Variants in OR10Z1 observed in about 807,000 individuals in gnomAD.
OR10Z1 encodes olfactory receptor family 10 subfamily Z member 1.
For missense variants in OR10Z1, 468 were observed against 371.0 expected (o/e 1.26, Z -2.15); for synonymous variants, 187 against 151.2 (o/e 1.24, Z -1.74).
rs762507890 is a variant in OR10Z1 at position 158,607,116 on chromosome 1, G to T, written c.678G>T (p.Leu226=). The T allele has an allele frequency of 8.7e-6, 14 of 1,613,938 alleles. No individual in the cohort carries two copies. The South Asian group carries it at 1.5e-4, about 18-fold the overall frequency. Residue 226 remains leucine (L), a synonymous_variant, in exon 2 of 2, where the codon CTG becomes CTT. Transcript: ENST00000641002. ...ISYAYILAAI[L]RIPSAEGQKK... Reference sequence around the variant, plus strand: ...ACGCCTACATCTTGGCAGCAATACTGAGGATCCCCTCTGCTGAGGGGCAGA... The same window carrying T: ...ACGCCTACATCTTGGCAGCAATACTTAGGATCCCCTCTGCTGAGGGGCAGA...
chr1:158,611,991 T>C lies in OR10Z1; in HGVS notation c.*4611T>C, dbSNP rs1169941425. On this transcript the variant is annotated 3_prime_UTR_variant, in exon 2 of 2. Coordinates refer to ENST00000641002, the MANE Select transcript of OR10Z1 (RefSeq NM_001004478.2). Reference sequence around the variant, plus strand: ...TTGTAACAGCTTTGTCGAGGTATGATTGATAAAGAATTGCACCTTTAATGT... The same window carrying C: ...TTGTAACAGCTTTGTCGAGGTATGACTGATAAAGAATTGCACCTTTAATGT... 6.4e-6 allele frequency: 1 copy of C among 156,006 alleles called. No individual in the cohort carries two copies. Among genetic ancestry groups the C allele is most frequent in the Admixed American group, 6.3e-5 (1 of 15,858 alleles). 9.7% of individuals were successfully genotyped at this position (156,006 alleles called of 1,614,324 possible). A position where few individuals can be genotyped will look rare whatever the true frequency, so the allele number is the denominator to read the frequency against.
chr1:158,607,028 T>G lies in OR10Z1; in HGVS notation c.590T>G (p.Leu197Arg). 1 of 1,614,086 alleles carries G rather than the reference T, an allele frequency of 6.2e-7. No homozygotes were observed. The highest frequency in any genetic ancestry group is 1.1e-5 in the South Asian group (1 of 91,084). The change falls in exon 2 of 2, where the codon CTG becomes CGG. Residue 197 changes from leucine to arginine, a missense_variant. Physicochemically the swap from Leu to Arg is moderately radical, Grantham distance 102. Coordinates refer to ENST00000641002, the MANE Select transcript of OR10Z1 (RefSeq NM_001004478.2). ...LACGDTGPSE[L>R]RIFILSLLVL... ...TGTGGAGATACAGGCCCGAGTGAGC[T>G]GAGGATCTTTATCCTCAGTCTTTTG... is the stretch of plus-strand genomic sequence containing the variant.
Position 158,606,973 on chromosome 1 carries a change from T to G in OR10Z1, c.535T>G (p.Cys179Gly). ...CTCCCATGAAATCCAGCACTTTTTTTGTGACACGCCACCTGTGCTGAGCCT... is the reference window on the plus strand; with the variant it reads ...CTCCCATGAAATCCAGCACTTTTTTGGTGACACGCCACCTGTGCTGAGCCT... ...CSSHEIQHFFCDTPPVLSLAC... is the reference protein window; with the variant it reads ...CSSHEIQHFFGDTPPVLSLAC... Residue 179 changes from cysteine to glycine, a missense_variant, in exon 2 of 2, where the codon TGT (cysteine) becomes GGT (glycine). Transcript: ENST00000641002. The G allele has an allele frequency of 6.2e-7, 1 of 1,614,056 alleles. No homozygotes were observed. Among genetic ancestry groups the G allele is most frequent in the Non-Finnish European group, 8.5e-7 (1 of 1,179,960 alleles).
chr1:158,610,127 C>T lies in OR10Z1; in HGVS notation c.*2747C>T, dbSNP rs1649171803. ...TGTATGTTGTTAGTATCAATGATAA[C>T]TTTTTAGCTTTAACCAACTTTTTGT... On this transcript the variant is annotated 3_prime_UTR_variant, in exon 2 of 2. Coordinates refer to ENST00000641002, the MANE Select transcript of OR10Z1 (RefSeq NM_001004478.2). The T allele has an allele frequency of 6.6e-6, 1 of 152,066 alleles. No homozygotes were observed. Among genetic ancestry groups the T allele is most frequent in the African/African-American group, 2.4e-5 (1 of 41,400 alleles). The allele number at this position is 152,066 out of a possible 1,614,324, so 9.4% of individuals were successfully genotyped here.
In OR10Z1 at chr1:158,606,610, C is replaced by T; in HGVS notation, c.172C>T (p.Pro58Ser). ...AIRLDSHLHTPMYLFLSFLSF... is the reference protein window; with the variant it reads ...AIRLDSHLHTSMYLFLSFLSF... ...CAGGCTGGATAGCCATCTGCACACC[C>T]CCATGTACCTCTTCCTTTCCTTCCT... Residue 58 changes from proline (P) to serine (S), a missense_variant, in exon 2 of 2, where the codon CCC becomes TCC. By Grantham distance (74) the Pro-to-Ser change is moderately conservative. Coordinates refer to ENST00000641002, the MANE Select transcript of OR10Z1 (RefSeq NM_001004478.2). 1 of 1,614,092 alleles carries T rather than the reference C, an allele frequency of 6.2e-7. No homozygotes were observed. The highest frequency in any genetic ancestry group is 8.5e-7 in the Non-Finnish European group (1 of 1,179,956).
chr1:158,612,484 G>T lies in OR10Z1; in HGVS notation c.*5104G>T. On this transcript the variant is annotated 3_prime_UTR_variant, in exon 2 of 2. Coordinates refer to ENST00000641002, the MANE Select transcript of OR10Z1 (RefSeq NM_001004478.2). The stretch of plus-strand genomic sequence containing the variant: ...CACTACACCTGAATTTAGGGACTGT[G>T]TCTTACTAAAGTTTGCACTCCTCAT... The T allele has an allele frequency of 2.9e-6, 1 of 350,236 alleles. No individual in the cohort carries two copies. Among genetic ancestry groups the T allele is most frequent in the Non-Finnish European group, 5.5e-6 (1 of 182,834 alleles). 21.7% of individuals were successfully genotyped at this position (350,236 alleles called of 1,614,324 possible).
rs1259738781 is a variant in OR10Z1 at position 158,611,961 on chromosome 1, T to A, written c.*4581T>A. Reference sequence around the variant, plus strand: ...TAGTGTCTGGAAGACCACATCATTTTCTTTTTGTAACAGCTTTGTCGAGGT... The same window carrying A: ...TAGTGTCTGGAAGACCACATCATTTACTTTTTGTAACAGCTTTGTCGAGGT... On this transcript the variant is annotated 3_prime_UTR_variant, in exon 2 of 2. Coordinates refer to ENST00000641002, the MANE Select transcript of OR10Z1 (RefSeq NM_001004478.2). The A allele has an allele frequency of 6.4e-6, 1 of 156,628 alleles. No homozygotes were observed. Among genetic ancestry groups the A allele is most frequent in the East Asian group, 1.9e-4 (1 of 5,286 alleles). The allele number at this position is 156,628 out of a possible 1,614,324, so 9.7% of individuals were successfully genotyped here. A position where few individuals can be genotyped will look rare whatever the true frequency, so the allele number is the denominator to read the frequency against.
Position 158,611,329 on chromosome 1 carries a change from G to A in OR10Z1, c.*3949G>A, listed in dbSNP as rs768957511. 15 of 1,613,786 alleles carry A rather than the reference G, an allele frequency of 9.3e-6. No homozygotes were observed. The highest frequency in any genetic ancestry group is 2.2e-5 in the East Asian group (1 of 44,874). Reference sequence around the variant, plus strand: ...TAGCCAGAGAGATGGCTTCGACCCCGTGGGTCCATATATTGCTGCATATGT... The same window carrying A: ...TAGCCAGAGAGATGGCTTCGACCCCATGGGTCCATATATTGCTGCATATGT... On this transcript the variant is annotated 3_prime_UTR_variant, in exon 2 of 2. Coordinates refer to ENST00000641002, the MANE Select transcript of OR10Z1 (RefSeq NM_001004478.2).
rs773540309 is a variant in OR10Z1 at position 158,606,989 on chromosome 1, T to G, written c.551T>G (p.Val184Gly). 12 of 1,614,116 alleles carry G rather than the reference T, an allele frequency of 7.4e-6. No homozygotes were observed. The highest frequency in any genetic ancestry group is 1.0e-5 in the Non-Finnish European group (12 of 1,179,986). ...CACTTTTTTTGTGACACGCCACCTG[T>G]GCTGAGCCTAGCCTGTGGAGATACA... ...IQHFFCDTPP[V>G]LSLACGDTGP... is the part of the protein sequence containing the mutation. The change falls in exon 2 of 2, where the codon GTG becomes GGG. Residue 184 changes from valine to glycine, a missense_variant. Coordinates refer to ENST00000641002, the MANE Select transcript of OR10Z1 (RefSeq NM_001004478.2).
rs761425687 is a variant in OR10Z1 at position 158,607,018 on chromosome 1, C to T, written c.580C>T (p.Pro194Ser). ...VLSLACGDTGPSELRIFILSL... is the reference protein window; with the variant it reads ...VLSLACGDTGSSELRIFILSL... The stretch of plus-strand genomic sequence containing the variant: ...GAGCCTAGCCTGTGGAGATACAGGC[C>T]CGAGTGAGCTGAGGATCTTTATCCT... Residue 194 changes from proline to serine, a missense_variant, in exon 2 of 2, where the codon CCG becomes TCG. Pro to Ser is a moderately conservative substitution (Grantham distance 74). Coordinates refer to ENST00000641002, the MANE Select transcript of OR10Z1 (RefSeq NM_001004478.2). The T allele has an allele frequency of 6.2e-7, 1 of 1,613,996 alleles. No homozygotes were observed. The highest frequency in any genetic ancestry group is 1.7e-5 in the Admixed American group (1 of 59,994).
chr1:158,611,152 C>T lies in OR10Z1; in HGVS notation c.*3772C>T, dbSNP rs890815140. On this transcript the variant is annotated 3_prime_UTR_variant, in exon 2 of 2. Coordinates refer to ENST00000641002, the MANE Select transcript of OR10Z1 (RefSeq NM_001004478.2). ...ACAAGCACACACACACACACACACACACACACACACACACGAGGCCATCTT... is the reference window on the plus strand; with the variant it reads ...ACAAGCACACACACACACACACACATACACACACACACACGAGGCCATCTT... 5 of 1,319,026 alleles carry T rather than the reference C, an allele frequency of 3.8e-6. No individual in the cohort carries two copies. The East Asian group carries it at 1.2e-4, about 31-fold the overall frequency. 81.7% of individuals were successfully genotyped at this position (1,319,026 alleles called of 1,614,324 possible).
chr1:158,607,533 C>G lies in OR10Z1; in HGVS notation c.*153C>G. The G allele has an allele frequency of 1.7e-6, 1 of 594,564 alleles. No homozygotes were observed. The highest frequency in any genetic ancestry group is 2.9e-6 in the Non-Finnish European group (1 of 342,914). The allele number at this position is 594,564 out of a possible 1,614,324, so 36.8% of individuals were successfully genotyped here. A position where few individuals can be genotyped will look rare whatever the true frequency, so the allele number is the denominator to read the frequency against. On this transcript the variant is annotated 3_prime_UTR_variant, in exon 2 of 2. Transcript: ENST00000641002. ...TCCTGCCTCTTGCCCTTCCCCCTGA[C>G]TGCTTGGAATGCAGAGGCGGGGCTT... is the stretch of plus-strand genomic sequence containing the variant.
chr1:158,607,269 C>A lies in OR10Z1; in HGVS notation c.831C>A (p.Thr277=). Residue 277 remains threonine, a synonymous_variant, in exon 2 of 2, where the codon ACC becomes ACA. Transcript: ENST00000641002. ...SLERDQLIAM[T]YTVVTPLLNP... is the part of the protein sequence containing the mutation. ...AGAGAGATCAGCTTATTGCCATGACCTATACTGTAGTGACCCCCCTCCTTA... is the reference window on the plus strand; with the variant it reads ...AGAGAGATCAGCTTATTGCCATGACATATACTGTAGTGACCCCCCTCCTTA... 1 of 1,614,026 alleles carries A rather than the reference C, an allele frequency of 6.2e-7. No individual in the cohort carries two copies. The highest frequency in any genetic ancestry group is 8.5e-7 in the Non-Finnish European group (1 of 1,179,916).
Position 158,607,357 on chromosome 1 carries a change from G to T in OR10Z1, c.919G>T (p.Gly307Trp). 1.2e-6 allele frequency: 2 copies of T among 1,613,172 alleles called. No homozygotes were observed. Among genetic ancestry groups the T allele is most frequent in the Non-Finnish European group, 1.7e-6 (2 of 1,179,400 alleles). The change falls in exon 2 of 2, where the codon GGG (glycine) becomes TGG (tryptophan). Residue 307 changes from glycine to tryptophan, a missense_variant. By Grantham distance (184) the Gly-to-Trp change is radical. Coordinates refer to ENST00000641002, the MANE Select transcript of OR10Z1 (RefSeq NM_001004478.2). ...GACAGCTCTGAGGAATGCTTTCAGA[G>T]GGAGATTGCTGGGTAAAGGATGAAG... Reference protein sequence around the residue: ...IQTALRNAFRGRLLGKG With the variant: ...IQTALRNAFRWRLLGKG
rs1380576575 is a variant in OR10Z1, at chr1:158,607,349, C to G, written c.911C>G (p.Ala304Gly). 1 of 1,613,246 alleles carries G rather than the reference C, an allele frequency of 6.2e-7. No individual in the cohort carries two copies. Among genetic ancestry groups the G allele is most frequent in the Admixed American group, 1.7e-5 (1 of 59,980 alleles). Residue 304 changes from alanine (A) to glycine (G), a missense_variant, in exon 2 of 2, where the codon GCT (alanine) becomes GGT (glycine). Ala to Gly is a moderately conservative substitution (Grantham distance 60). Coordinates refer to ENST00000641002, the MANE Select transcript of OR10Z1 (RefSeq NM_001004478.2). ...NRAIQTALRNAFRGRLLGKG is the reference protein window; with the variant it reads ...NRAIQTALRNGFRGRLLGKG ...GCTATACAGACAGCTCTGAGGAATG[C>G]TTTCAGAGGGAGATTGCTGGGTAAA...
rs1649147912 is a variant in OR10Z1 at position 158,609,442 on chromosome 1, A to G, written c.*2062A>G. On this transcript the variant is annotated 3_prime_UTR_variant, in exon 2 of 2. Transcript: ENST00000641002. ...TCATTGCACTGAGGCCATGTGAGCAAATTCATTTCACCAGTTCATTCAGTC... is the reference window on the plus strand; with the variant it reads ...TCATTGCACTGAGGCCATGTGAGCAGATTCATTTCACCAGTTCATTCAGTC... 6.6e-6 allele frequency: 1 copy of G among 152,172 alleles called. No individual in the cohort carries two copies. 9.4% of individuals were successfully genotyped at this position (152,172 alleles called of 1,614,324 possible).
rs76424590 is a variant in OR10Z1, at chr1:158,606,682, C to T, written c.244C>T (p.Leu82Phe). ...CACTTTGGGCATCATCCCTAGAATGCTCTCTGGCCTGGCTGGGGGGGACCA... is the reference window on the plus strand; with the variant it reads ...CACTTTGGGCATCATCCCTAGAATGTTCTCTGGCCTGGCTGGGGGGGACCA... Reference protein sequence around the residue: ...CYTLGIIPRMLSGLAGGDQAI... With the variant: ...CYTLGIIPRMFSGLAGGDQAI... The change falls in exon 2 of 2, where the codon CTC becomes TTC. Residue 82 changes from leucine to phenylalanine, a missense_variant. By Grantham distance (22) the Leu-to-Phe change is conservative (BLOSUM62 0). Coordinates refer to ENST00000641002, the MANE Select transcript of OR10Z1 (RefSeq NM_001004478.2). 11,220 of 1,613,980 alleles carry T rather than the reference C, an allele frequency of 7.0e-3. 604 individuals are homozygous for T. In the African/African-American group the frequency reaches 0.12, roughly 18 times the overall value.
chr1:158,606,789 C>T lies in OR10Z1; in HGVS notation c.351C>T (p.Ala117=). 1 of 1,614,010 alleles carries T rather than the reference C, an allele frequency of 6.2e-7. No individual in the cohort carries two copies. Among genetic ancestry groups the T allele is most frequent in the Non-Finnish European group, 8.5e-7 (1 of 1,179,980 alleles). ...WACTNCFLLA[A]MGFDRYVAIC... ...GTACTAACTGCTTCCTTCTGGCTGCCATGGGCTTTGACAGATATGTGGCCA... is the reference window on the plus strand; with the variant it reads ...GTACTAACTGCTTCCTTCTGGCTGCTATGGGCTTTGACAGATATGTGGCCA... The change falls in exon 2 of 2, where the codon GCC becomes GCT. Residue 117 remains alanine (A), a synonymous_variant. Transcript: ENST00000641002.
In OR10Z1 at chr1:158,610,982, C is replaced by A; in HGVS notation, c.*3602C>A. 5.7e-6 allele frequency: 2 copies of A among 353,898 alleles called. No homozygotes were observed. Among genetic ancestry groups the A allele is most frequent in the South Asian group, 3.4e-5 (1 of 29,828 alleles). 21.9% of individuals were successfully genotyped at this position (353,898 alleles called of 1,614,324 possible). On this transcript the variant is annotated 3_prime_UTR_variant, in exon 2 of 2. Transcript: ENST00000641002. ...AATGATAAAGACGTGCAAAACAGAACAAATAAAAATAGAAACTTTGACACC... is the reference window on the plus strand; with the variant it reads ...AATGATAAAGACGTGCAAAACAGAAAAAATAAAAATAGAAACTTTGACACC...
Sources: allele counts gnomAD v4.1 joint callset, GRCh38; gene constraint gnomAD v4.1.1; transcripts MANE v1.5; gene names NCBI Gene and HGNC (gene_info 2026-07-23, HGNC 2026-07-21).